The following AOPEP variants were observed in gnomAD, a reference collection of about 807,000 sequenced individuals.
AOPEP encodes aminopeptidase O.
AOPEP carries 77 observed loss-of-function variants against 98.1 expected under a neutral mutation model. The observed-to-expected ratio is 0.78, with a 90% confidence interval of 0.65 to 0.95. The LOEUF (loss-of-function observed/expected upper bound fraction) is 0.95. Ranked by LOEUF, AOPEP falls within the 40% of genes least tolerant of loss-of-function variation. AOPEP has a pLI of 0.00. For missense variants in AOPEP, 1,024 were observed against 1,024.7 expected (o/e 1.00, Z 0.01); for synonymous variants, 346 against 365.3 (o/e 0.95, Z 0.60).
chr9:95,111,722 C>T, the AOPEP span: 39 of 1,526,866 alleles, frequency 2.6e-5, no homozygotes, highest in Admixed American at 1.4e-4. Context: ...CGTTTGCCAA[C>T]GGTTGGCTTA....
chr9:94,762,221 G>A (rs898933841), intron 2 of AOPEP, among the ~76,000 whole-genome samples: 3 of 152,190 alleles, frequency 2.0e-5, no homozygotes, highest in African/African-American at 7.2e-5. Flanking sequence ...GCTGAGGCGG[G>A]TGGATCACAA....
At chr9:95,111,526 C>G in the AOPEP span, 1 of 1,614,158 alleles carries the variant, frequency 6.2e-7, no homozygotes, top group Non-Finnish European at 8.5e-7. Flanking sequence ...AGAGCCACAG[C>G]AGGGCCGTGG....
chr9:95,049,404 G>A (rs1256418087), intron 13 of AOPEP, among the ~76,000 whole-genome samples: 2 of 152,154 alleles, frequency 1.3e-5, no homozygotes, highest in Non-Finnish European at 2.9e-5. Context: ...TTAAAAGCCT[G>A]TGTTTCATTT....
the AOPEP span, among the ~76,000 whole-genome samples, chr9:95,142,191 C>T: frequency 1.3e-5 from 2 of 151,900 alleles, no homozygotes; most frequent in Non-Finnish European, 2.9e-5. Flanking sequence ...TGGGATTTTA[C>T]CACGTTGGCC....
intron 13 of AOPEP, among the ~76,000 whole-genome samples, chr9:95,045,560 C>G (rs1453007075): frequency 6.6e-6 from 1 of 152,242 alleles, no homozygotes; most frequent in Non-Finnish European, 1.5e-5. Flanking sequence ...GCTGGGTCCT[C>G]TCCGCGGAGG....
chr9:94,778,320 G>A (rs181583329), intron 3 of AOPEP, among the ~76,000 whole-genome samples: 12 of 151,848 alleles, frequency 7.9e-5, no homozygotes, highest in African/African-American at 1.9e-4. Flanking sequence ...GAAAACCTAC[G>A]TCCACAAAAC....
At chr9:94,996,481 G>C (rs968135273) in intron 11 of AOPEP, among the ~76,000 whole-genome samples, 4 of 151,738 alleles carry the variant, frequency 2.6e-5, no homozygotes, top group African/African-American at 9.7e-5. Flanking sequence ...TTTTCTTTTG[G>C]AGGATATATA....
At chr9:95,031,907 G>GC (rs1166924869) in intron 13 of AOPEP, among the ~76,000 whole-genome samples, 1 of 152,156 alleles carries the variant, frequency 6.6e-6, no homozygotes, top group Non-Finnish European at 1.5e-5. Flanking sequence ...ATGTTGCAGA[G>GC]CCCCCGCCTC....
At chr9:95,142,779 G>T in the AOPEP span, among the ~76,000 whole-genome samples, 2 of 152,294 alleles carry the variant, frequency 1.3e-5, no homozygotes, top group Admixed American at 1.3e-4. Context: ...GCGAGTGTTA[G>T]AGTGGTCAGA....
At chr9:95,123,753 CA>C in the AOPEP span, 1 of 695,564 alleles carries the variant, frequency 1.4e-6, no homozygotes. Flanking sequence ...CTGAGTTGTG[CA>C]ATTCACAGCA....
At chr9:94,949,979 A>G (rs1377124674) in intron 7 of AOPEP, among the ~76,000 whole-genome samples, 2 of 152,214 alleles carry the variant, frequency 1.3e-5, no homozygotes, top group African/African-American at 4.8e-5. Flanking sequence ...TCAAGGAGCA[A>G]GCTTAAAGAC....
chr9:94,843,023 G>A lies in AOPEP; in HGVS notation c.1364+42021G>A, dbSNP rs185525686. On this transcript the variant is annotated intron_variant, in intron 5 of 16. Coordinates refer to ENST00000375315, the MANE Select transcript of AOPEP (RefSeq NM_001193329.3). ...TTTGCTCATCTTCTTAGGTATGTAA[G>A]TTTATGTATTTTGCCAATTTTGTGG... 3.0e-4 allele frequency among the ~76,000 whole-genome samples: 45 copies of A among 152,234 alleles called. No homozygotes were observed. The East Asian group carries it at 3.9e-3, about 13-fold the overall frequency.
chr9:95,037,100 A>C (rs1159593158), intron 13 of AOPEP, among the ~76,000 whole-genome samples: 2 of 152,162 alleles, frequency 1.3e-5, no homozygotes, highest in Middle Eastern at 6.3e-3. Flanking sequence ...AATTGTAGCA[A>C]ACCCATAGAG....
intron 16 of AOPEP, chr9:95,085,179 G>A (rs1056679324): frequency 4.3e-6 from 2 of 462,910 alleles, no homozygotes; most frequent in South Asian, 1.5e-5. Context: ...GAAGCCCAGT[G>A]TGTGCAGACA....
chr9:95,132,451 C>G, the AOPEP span, among the ~76,000 whole-genome samples: 4 of 152,204 alleles, frequency 2.6e-5, no homozygotes, highest in African/African-American at 9.6e-5. Flanking sequence ...AGGTCTGAAG[C>G]TATGGATTAT....
At chr9:95,115,382 A>G in the AOPEP span, among the ~76,000 whole-genome samples, 3 of 152,180 alleles carry the variant, frequency 2.0e-5, no homozygotes, top group African/African-American at 7.2e-5. Context: ...TAATGTGTTG[A>G]TTTCAAAATA....
intron 7 of AOPEP, among the ~76,000 whole-genome samples, chr9:94,936,405 A>G (rs1399842637): frequency 1.3e-5 from 2 of 152,152 alleles, no homozygotes; most frequent in Non-Finnish European, 2.9e-5. Context: ...CTAAAGGCCA[A>G]CATAAATTTA....
At chr9:95,098,595 G>A in the AOPEP span, among the ~76,000 whole-genome samples, 12 of 152,160 alleles carry the variant, frequency 7.9e-5, no homozygotes, top group African/African-American at 2.4e-4. Flanking sequence ...GGGTGGCCAC[G>A]GCGCTGCTCG....
At chr9:94,884,836 C>G (rs898357709) in intron 5 of AOPEP, among the ~76,000 whole-genome samples, 2 of 148,278 alleles carry the variant, frequency 1.3e-5, no homozygotes, top group African/African-American at 5.1e-5. Flanking sequence ...ATGGTGAAAC[C>G]CGTCTCTATT....
Sources: allele counts gnomAD v4.1 joint callset (sites outside exome capture counted in the v4.1 genomes callset), GRCh38; gene constraint gnomAD v4.1.1; transcripts MANE v1.5; gene names NCBI Gene and HGNC (gene_info 2026-07-23, HGNC 2026-07-21).